Variants in CFAP299 observed in about 807,000 individuals in gnomAD.
CFAP299 encodes the protein cilia and flagella associated protein 299.
Under a neutral mutation model 27.0 loss-of-function variants are expected in CFAP299, and 21 were observed. That is an observed-to-expected ratio of 0.78 (90% confidence interval 0.55 to 1.12). The LOEUF (loss-of-function observed/expected upper bound fraction) is 1.12. Ranked by LOEUF, CFAP299 falls within the 50% of genes most tolerant of loss-of-function variation. The pLI, the probability that CFAP299 is intolerant of heterozygous loss-of-function variation, is 0.00. For synonymous variants in CFAP299, 104 were observed against 98.1 expected (o/e 1.06, Z -0.36); for missense variants, 310 against 276.6 (o/e 1.12, Z -0.86).
At chr4:80,689,848 G>C (rs1430540119) in intron 3 of CFAP299, among the ~76,000 whole-genome samples, 1 of 151,938 alleles carries the variant, frequency 6.6e-6, no homozygotes, top group South Asian at 2.1e-4. Flanking sequence ...ATGGAGGAAG[G>C]TCGACCAAGC....
At chr4:80,326,501 A>G in the CFAP299 span, among the ~76,000 whole-genome samples, 1 of 152,214 alleles carries the variant, frequency 6.6e-6, no homozygotes, top group Non-Finnish European at 1.5e-5. Flanking sequence ...TAGTCGCTAC[A>G]GTGGTGTGAT....
intron 3 of CFAP299, among the ~76,000 whole-genome samples, chr4:80,668,120 G>T (rs1222548531): frequency 2.0e-5 from 3 of 150,532 alleles, no homozygotes; most frequent in Non-Finnish European, 4.4e-5. Flanking sequence ...CGTCTTTTGG[G>T]AAATATCTAT....
intron 3 of CFAP299, among the ~76,000 whole-genome samples, chr4:80,848,312 G>A (rs1196894329): frequency 6.6e-6 from 1 of 152,012 alleles, no homozygotes; most frequent in Non-Finnish European, 1.5e-5. Flanking sequence ...TAGAAACATA[G>A]TTATGCCTCA....
chr4:80,755,113 T>G (rs1346886070), intron 3 of CFAP299, among the ~76,000 whole-genome samples: 1 of 152,148 alleles, frequency 6.6e-6, no homozygotes, highest in South Asian at 2.1e-4. Flanking sequence ...CTATTAATAC[T>G]ACAAAGAGGG....
At chr4:80,389,627 C>T (rs144563693) in intron 2 of CFAP299, among the ~76,000 whole-genome samples, 1 of 152,290 alleles carries the variant, frequency 6.6e-6, no homozygotes, top group African/African-American at 2.4e-5. Flanking sequence ...AAAGGCTTGA[C>T]TCTATCATTG....
intron 4 of CFAP299, among the ~76,000 whole-genome samples, chr4:80,919,262 A>G (rs1311094457): frequency 6.6e-6 from 1 of 152,192 alleles, no homozygotes; most frequent in African/African-American, 2.4e-5. Context: ...AATTCAGGTT[A>G]TAATACAATG....
chr4:80,347,656 T>C lies in CFAP299; in HGVS notation c.111+11777T>C, dbSNP rs550796617. On this transcript the variant is annotated intron_variant, in intron 1 of 5. Transcript: ENST00000358105. ...AGGATACAAACAAATGGAAAAACCT[T>C]CCATGCTCATGGATAGGAAGAATTA... Among the ~76,000 whole-genome samples, 16 of 152,274 alleles carry C rather than the reference T, an allele frequency of 1.1e-4. 1 individual carries two copies. In the South Asian group the frequency reaches 2.1e-3, roughly 20 times the overall value.
At chr4:80,409,016 A>G (rs912360201) in intron 2 of CFAP299, among the ~76,000 whole-genome samples, 1 of 149,176 alleles carries the variant, frequency 6.7e-6, no homozygotes, top group Middle Eastern at 3.4e-3. Flanking sequence ...GGGAGGCAGT[A>G]GGGTTGTAAT....
At chr4:80,700,663 C>T (rs1721417045) in intron 3 of CFAP299, among the ~76,000 whole-genome samples, 1 of 151,966 alleles carries the variant, frequency 6.6e-6, no homozygotes, top group African/African-American at 2.4e-5. Context: ...TTCAGGAATA[C>T]ATGAAGTGAG....
chr4:80,653,970 A>G (rs1740434556), intron 3 of CFAP299, among the ~76,000 whole-genome samples: 1 of 152,128 alleles, frequency 6.6e-6, no homozygotes, highest in South Asian at 2.1e-4. Flanking sequence ...GTGGGTATGC[A>G]TATCATGCTA....
chr4:80,682,815 A>G (rs1719925966), intron 3 of CFAP299, among the ~76,000 whole-genome samples: 1 of 152,080 alleles, frequency 6.6e-6, no homozygotes, highest in African/African-American at 2.4e-5. Flanking sequence ...TGTTTCTGTC[A>G]TCCCACATAT....
intron 3 of CFAP299, among the ~76,000 whole-genome samples, chr4:80,623,525 G>A (rs763138250): frequency 6.6e-6 from 1 of 152,122 alleles, no homozygotes; most frequent in African/African-American, 2.4e-5. Context: ...AAATATTCTT[G>A]CAAGAGCTAA....
chr4:80,382,519 G>C (rs139531730), intron 2 of CFAP299, among the ~76,000 whole-genome samples: 3,209 of 152,220 alleles, frequency 0.021, 101 homozygotes, highest in African/African-American at 0.071. Flanking sequence ...TTAAAAAGTA[G>C]GCAAAGGACA....
chr4:80,759,458 A>G (rs560652232), intron 3 of CFAP299, among the ~76,000 whole-genome samples: 4 of 152,166 alleles, frequency 2.6e-5, no homozygotes, highest in African/African-American at 9.6e-5. Flanking sequence ...GTGGCGGGCA[A>G]CTGTCATCAT....
At chr4:80,664,826 G>A (rs1269867741) in intron 3 of CFAP299, among the ~76,000 whole-genome samples, 1 of 152,162 alleles carries the variant, frequency 6.6e-6, no homozygotes, top group Non-Finnish European at 1.5e-5. Context: ...TGGCCACCTG[G>A]TTTTGTGCTT....
At position 80,646,984 on chromosome 4, in the gene CFAP299, A is replaced by T. The variant is rs917459495; in HGVS notation, c.333+63801A>T. Among the ~76,000 whole-genome samples the T allele has an allele frequency of 4.9e-3, 715 of 145,020 alleles. 3 individuals are homozygous for T. Among genetic ancestry groups the T allele is most frequent in the Middle Eastern group, 0.021 (6 of 286 alleles). On this transcript the variant is annotated intron_variant, in intron 3 of 5. Transcript: ENST00000358105. ...CCAATTCTTTGAGAGAGAGAGAGAG[A>T]GAGAGTGTGTGTGTGTGTGTGTGTG...
At chr4:80,550,744 A>G (rs1017042602) in intron 2 of CFAP299, among the ~76,000 whole-genome samples, 12 of 147,504 alleles carry the variant, frequency 8.1e-5, no homozygotes, top group Non-Finnish European at 1.5e-5. Flanking sequence ...CTAAGTACTT[A>G]AAGGTATTAA....
intron 2 of CFAP299, among the ~76,000 whole-genome samples, chr4:80,493,853 A>G (rs6826547): frequency 0.37 from 50,772 of 136,654 alleles, 12,070 homozygotes; most frequent in African/African-American, 0.7. Flanking sequence ...TCGGCTCACT[A>G]CAAGCTCCGC....
At chr4:80,917,576 C>T (rs574236210) in intron 4 of CFAP299, among the ~76,000 whole-genome samples, 2 of 152,162 alleles carry the variant, frequency 1.3e-5, no homozygotes, top group South Asian at 4.2e-4. Context: ...TATTCTTTAC[C>T]AGAATTTTGG....
Sources: gnomAD v4.1 joint callset for allele counts (sites outside exome capture counted in the v4.1 genomes callset) on GRCh38, gnomAD v4.1.1 for gene constraint, MANE v1.5 for transcripts, NCBI Gene and HGNC (gene_info 2026-07-23, HGNC 2026-07-21) for gene names.